Variants in TBX15 observed in about 807,000 individuals in gnomAD.
The protein encoded by TBX15 is T-box transcription factor TBX15.
In TBX15, 18 loss-of-function variants were observed where a neutral mutation model predicts 53.9. The observed-to-expected ratio is 0.33, with a 90% CI of 0.23 to 0.49. The LOEUF is 0.49. Among genes scored for constraint, TBX15 ranks in the 20% least tolerant of loss-of-function variants. The probability of loss-of-function intolerance (pLI) is 0.98; values close to 1 mark genes in which losing one functional copy is unlikely to be tolerated. For missense variants in TBX15, 692 were observed against 749.5 expected (o/e 0.92, Z 0.90); for synonymous variants, 295 against 278.0 (o/e 1.06, Z -0.61).
intron 5 of TBX15, among the ~76,000 whole-genome samples, chr1:118,917,465 G>A (rs1655278042): frequency 1.3e-5 from 2 of 152,060 alleles, no homozygotes; most frequent in South Asian, 4.2e-4. Flanking sequence ...ATGCATGTGG[G>A]GCTTAATACC....
In TBX15 at chr1:118,928,967, C is replaced by G. The variant is rs994806219; in HGVS notation, c.420-2356G>C. On this transcript the variant is annotated intron_variant, in intron 2 of 7. Transcript: ENST00000369429. ...CTTTGAATTCTCTTCTTAAAAACTT[C>G]GCAAGCCTTTTTTTTCTTTTTGTCA... Among the ~76,000 whole-genome samples the G allele has an allele frequency of 4.6e-5, 7 of 152,314 alleles. No homozygotes were observed. The East Asian group carries it at 7.7e-4, about 17-fold the overall frequency.
chr1:118,973,720 C>A (rs1170193168), intron 1 of TBX15, among the ~76,000 whole-genome samples: 1 of 152,018 alleles, frequency 6.6e-6, no homozygotes, highest in African/African-American at 2.4e-5. Context: ...AACTGTTACA[C>A]CCAGTTCTCC....
At chr1:118,986,327 G>T (rs1657835551) in intron 1 of TBX15, among the ~76,000 whole-genome samples, 1 of 152,188 alleles carries the variant, frequency 6.6e-6, no homozygotes, top group East Asian at 1.9e-4. Flanking sequence ...GGCTTGGACG[G>T]TCGAAATAAA....
intron 7 of TBX15, among the ~76,000 whole-genome samples, chr1:118,893,268 A>AGG (rs1654218708): frequency 1.8e-5 from 2 of 108,538 alleles, no homozygotes; most frequent in Non-Finnish European, 3.7e-5. Context: ...GAAAGAAAGG[A>AGG]AGAAGGAAGG....
chr1:118,919,459 G>T (rs1655352296), intron 5 of TBX15, among the ~76,000 whole-genome samples: 2 of 152,180 alleles, frequency 1.3e-5, no homozygotes, highest in South Asian at 4.1e-4. Context: ...ACTTCAGTAT[G>T]CTAGCAGCCC....
At chr1:118,958,606 C>A (rs978026925) in intron 1 of TBX15, among the ~76,000 whole-genome samples, 5 of 152,130 alleles carry the variant, frequency 3.3e-5, no homozygotes, top group Non-Finnish European at 7.3e-5. Context: ...TGGTCCTGGT[C>A]CTACCCTAAC....
chr1:118,893,007 C>A (rs1214479611), intron 7 of TBX15, among the ~76,000 whole-genome samples: 1 of 151,842 alleles, frequency 6.6e-6, no homozygotes, highest in Non-Finnish European at 1.5e-5. Context: ...CCAAAGTGGG[C>A]AAATCACTTC....
intron 7 of TBX15, 56 bp downstream of exon 7, chr1:118,898,972 C>T (rs576748245): frequency 6.4e-7 from 1 of 1,563,254 alleles, no homozygotes. Context: ...TTCGGTTGAG[C>T]TCCCACTCTG....
intron 1 of TBX15, among the ~76,000 whole-genome samples, chr1:118,971,743 C>T (rs1157396796): frequency 6.6e-6 from 1 of 152,112 alleles, no homozygotes; most frequent in Non-Finnish European, 1.5e-5. Context: ...AAGATGGCCA[C>T]AGAATAAGAG....
chr1:118,926,011 C>A (rs190206398), intron 3 of TBX15, among the ~76,000 whole-genome samples: 5 of 152,234 alleles, frequency 3.3e-5, no homozygotes, highest in Admixed American at 3.3e-4. Context: ...CAATCTCACT[C>A]ACAACCCATA....
intron 7 of TBX15, among the ~76,000 whole-genome samples, chr1:118,888,361 AGTACTTTCCAT>A (rs1654020584): frequency 6.6e-6 from 1 of 152,198 alleles, no homozygotes; most frequent in South Asian, 2.1e-4. Flanking sequence ...GCCAACAACA[AGTACTTTCCAT>A]GGAATTATTT....
rs1557867550 is a variant in TBX15, at chr1:118,884,618, A to AAC, written c.*113_*114insGT. The AAC allele has an allele frequency of 3.0e-6, 4 of 1,343,398 alleles. No individual in the cohort carries two copies. The highest frequency in any genetic ancestry group is 2.4e-5 in the Admixed American group (1 of 40,832). 83.2% of individuals were successfully genotyped at this position (1,343,398 alleles called of 1,614,324 possible). A position where few individuals can be genotyped will look rare whatever the true frequency, so the allele number is the denominator to read the frequency against. Reference sequence around the variant, plus strand: ...TGTCTTCGGCCAGAAAAAAAAAAAAAAAAAAAACACGGTTCCTGTTTTTCA... The same window carrying AAC: ...TGTCTTCGGCCAGAAAAAAAAAAAAAACAAAAAAACACGGTTCCTGTTTTTCA... On this transcript the variant is annotated 3_prime_UTR_variant, in exon 8 of 8. Transcript: ENST00000369429.
intron 6 of TBX15, among the ~76,000 whole-genome samples, chr1:118,912,832 C>G (rs781369654): frequency 1.3e-5 from 2 of 152,142 alleles, no homozygotes; most frequent in Admixed American, 6.6e-5. Context: ...AGTCCATAAG[C>G]CTGAGTTCTA....
intron 7 of TBX15, among the ~76,000 whole-genome samples, chr1:118,893,378 A>G (rs1571149974): frequency 7.4e-6 from 1 of 134,910 alleles, no homozygotes; most frequent in Non-Finnish European, 1.5e-5. Flanking sequence ...AGAAAGAAAG[A>G]AAGAAAGAAA....
At chr1:118,983,470 G>A (rs1296512236) in intron 1 of TBX15, among the ~76,000 whole-genome samples, 1 of 152,124 alleles carries the variant, frequency 6.6e-6, no homozygotes, top group Non-Finnish European at 1.5e-5. Flanking sequence ...AGTAAGATCC[G>A]ATCAGTGCGC....
intron 7 of TBX15, among the ~76,000 whole-genome samples, chr1:118,893,032 A>G (rs1291240454): frequency 6.6e-6 from 1 of 151,998 alleles, no homozygotes; most frequent in Non-Finnish European, 1.5e-5. Flanking sequence ...CAGGAGTTTG[A>G]GACCAGTTTC....
intron 1 of TBX15, among the ~76,000 whole-genome samples, chr1:118,960,894 C>A (rs987713093): frequency 6.6e-6 from 1 of 152,154 alleles, no homozygotes; most frequent in African/African-American, 2.4e-5. Flanking sequence ...CTTGGCCCAA[C>A]CCATCCTCTT....
At chr1:118,936,755 AGTT>A (rs1366286774) in intron 1 of TBX15, among the ~76,000 whole-genome samples, 2 of 152,146 alleles carry the variant, frequency 1.3e-5, no homozygotes, top group Non-Finnish European at 2.9e-5. Flanking sequence ...CAAGCCTAAG[AGTT>A]GTTATTATTA....
At chr1:118,886,768 G>A (rs1157617488) in intron 7 of TBX15, among the ~76,000 whole-genome samples, 1 of 152,164 alleles carries the variant, frequency 6.6e-6, no homozygotes, top group Non-Finnish European at 1.5e-5. Context: ...AGTCTGGGGT[G>A]GGGCCTAAGA....
Sources: allele counts gnomAD v4.1 joint callset (sites outside exome capture counted in the v4.1 genomes callset), GRCh38; gene constraint gnomAD v4.1.1; transcripts MANE v1.5; gene names NCBI Gene and HGNC (gene_info 2026-07-23, HGNC 2026-07-21).